The following MRPL12 variants were observed in gnomAD, a reference collection of about 807,000 sequenced individuals.
MRPL12 encodes the protein mitochondrial ribosomal protein L12.
A neutral mutation model predicts 21.1 loss-of-function variants in MRPL12; 13 were observed. The ratio of observed to expected loss-of-function variants is 0.62; its 90% CI spans 0.40 to 0.98. The LOEUF (loss-of-function observed/expected upper bound fraction) is 0.98, where lower values mean the gene tolerates loss of function less well. Among genes scored for constraint, MRPL12 ranks in the 50% least tolerant of loss-of-function variants. The pLI is 0.00. For missense variants in MRPL12, 251 were observed against 268.6 expected (o/e 0.93, Z 0.46); for synonymous variants, 126 against 115.3 (o/e 1.09, Z -0.60).
Position 81,707,397 on chromosome 17 carries a change from C to CCTACT in MRPL12, c.*158_*162dup. On this transcript the variant is annotated 3_prime_UTR_variant, in exon 5 of 5. Coordinates refer to ENST00000333676, the MANE Select transcript of MRPL12 (RefSeq NM_002949.4). ...AGCGGGGCCGGACAGGCCGCACAGA[C>CCTACT]CTACTGTGGCGGGAGGGAGGGGCGG... 1 of 728,258 alleles carries CCTACT rather than the reference C, an allele frequency of 1.4e-6. No homozygotes were observed. The highest frequency in any genetic ancestry group is 2.8e-5 in the East Asian group (1 of 35,216). The allele number at this position is 728,258 out of a possible 1,614,324, so 45.1% of individuals were successfully genotyped here.
intron 3 of MRPL12, 62 bp downstream of exon 3, chr17:81,704,778 C>G: frequency 7.3e-7 from 1 of 1,374,516 alleles, no homozygotes; most frequent in Non-Finnish European, 1.0e-6. Flanking sequence ...CCTCATGTGC[C>G]GTGGTCCCGT....
Position 81,704,358 on chromosome 17 carries a change from G to T in MRPL12, c.189G>T (p.Lys63Asn), listed in dbSNP as rs2037290930. 6.2e-7 allele frequency: 1 copy of T among 1,613,630 alleles called. No homozygotes were observed. The change falls in exon 2 of 5, where the codon AAG (lysine) becomes AAT (asparagine). Residue 63 changes from lysine to asparagine, a missense_variant. Transcript: ENST00000333676. Reference protein sequence around the residue: ...LDNAPKEYPPKIQQLVQDIAS... With the variant: ...LDNAPKEYPPNIQQLVQDIAS... ...ACGCCCCCAAGGAGTACCCCCCCAA[G>T]ATACAGCAGCTGGTCCAGGACATCG...
intron 3 of MRPL12, among the ~76,000 whole-genome samples, chr17:81,705,389 CAAAAAAAA>C (rs758967615): frequency 4.7e-5 from 3 of 63,244 alleles, no homozygotes; most frequent in East Asian, 1.1e-3. Flanking sequence ...GACCCTGTCT[CAAAAAAAA>C]AAAAAAAAAA....
chr17:81,705,694 G>A (rs922438395), intron 3 of MRPL12, among the ~76,000 whole-genome samples: 5 of 152,216 alleles, frequency 3.3e-5, no homozygotes, highest in African/African-American at 4.8e-5. Flanking sequence ...GTCTTTGCAA[G>A]GAAACCAGTG....
rs34153169 is a variant in MRPL12, at chr17:81,707,271, T to TC, written c.*33dup. ...AGCTCGGAGGACTTGTGTTCAGGGGTCCTGGGCCCCGGGCGAGGTCCCGCC... is the reference window on the plus strand; with the variant it reads ...AGCTCGGAGGACTTGTGTTCAGGGGTCCCTGGGCCCCGGGCGAGGTCCCGCC... On this transcript the variant is annotated 3_prime_UTR_variant, in exon 5 of 5. Transcript: ENST00000333676. 100,509 of 1,533,436 alleles carry TC rather than the reference T, an allele frequency of 0.066. 4,373 individuals are homozygous for TC. Among genetic ancestry groups the TC allele is most frequent in the East Asian group, 0.26 (11,475 of 44,134 alleles). 95.0% of individuals were successfully genotyped at this position (1,533,436 alleles called of 1,614,324 possible).
rs767180827 is a variant in MRPL12, at chr17:81,704,246, G to A, written c.77G>A (p.Arg26Gln). ...TTTTAATTGGGGGTGGGGGCTAGGC[G>A]ACAGGTGCCATGTGTCTGTGCCGTG... ...LRAAAFRLAR[R>Q]QVPCVCAVRH... The change falls in exon 2 of 5, where the codon CGA becomes CAA. Residue 26 changes from arginine (R) to glutamine (Q), a missense_variant and splice_region_variant. By Grantham distance (43) the Arg-to-Gln change is conservative (BLOSUM62 1). Coordinates refer to ENST00000333676, the MANE Select transcript of MRPL12 (RefSeq NM_002949.4). The A allele has an allele frequency of 1.6e-5, 25 of 1,605,308 alleles. No homozygotes were observed. In the Admixed American group the frequency reaches 1.9e-4, roughly 12 times the overall value.
In MRPL12 at chr17:81,707,273, C is replaced by T. The variant is rs760518878; in HGVS notation, c.*33C>T. ...CTCGGAGGACTTGTGTTCAGGGGTC[C>T]TGGGCCCCGGGCGAGGTCCCGCCCT... is the stretch of plus-strand genomic sequence containing the variant. On this transcript the variant is annotated 3_prime_UTR_variant, in exon 5 of 5. Coordinates refer to ENST00000333676, the MANE Select transcript of MRPL12 (RefSeq NM_002949.4). 6.5e-6 allele frequency: 10 copies of T among 1,533,092 alleles called. No homozygotes were observed. The highest frequency in any genetic ancestry group is 4.0e-5 in the Admixed American group (2 of 49,730). 95.0% of individuals were successfully genotyped at this position (1,533,092 alleles called of 1,614,324 possible).
At chr17:81,706,802 C>A in intron 3 of MRPL12, 104 bp from the exon 4 acceptor site, 1 of 1,426,150 alleles carries the variant, frequency 7.0e-7, no homozygotes, top group Non-Finnish European at 9.5e-7. Flanking sequence ...GGGGCCTCCG[C>A]TGCACCTCCC....
At chr17:81,705,485 C>G (rs2037305289) in intron 3 of MRPL12, among the ~76,000 whole-genome samples, 1 of 151,382 alleles carries the variant, frequency 6.6e-6, no homozygotes, top group East Asian at 1.9e-4. Context: ...GGAAGAGGCT[C>G]AAGGTGGGAG....
intron 1 of MRPL12, among the ~76,000 whole-genome samples, chr17:81,703,906 A>C (rs947481326): frequency 6.6e-6 from 1 of 152,248 alleles, no homozygotes; most frequent in Non-Finnish European, 1.5e-5. Flanking sequence ...GGCTTTGCGC[A>C]GGAAGATGCA....
chr17:81,707,171 C>T lies in MRPL12; in HGVS notation c.528C>T (p.Val176=), dbSNP rs750264166. 2.3e-5 allele frequency: 37 copies of T among 1,613,862 alleles called. No homozygotes were observed. The highest frequency in any genetic ancestry group is 1.2e-4 in the Admixed American group (7 of 60,002). The part of the protein sequence containing the change: ...ESLPQEIKAN[V]AKAEAEKIKA... The stretch of plus-strand genomic sequence containing the variant: ...TGCCCCAGGAAATCAAAGCCAATGT[C>T]GCCAAAGCTGAGGCGGAGAAGATCA... Residue 176 remains valine (V), a synonymous_variant, in exon 5 of 5, where the codon GTC becomes GTT. Coordinates refer to ENST00000333676, the MANE Select transcript of MRPL12 (RefSeq NM_002949.4).
rs753938354 is a variant in MRPL12 at position 81,707,195 on chromosome 17, C to T, written c.552C>T (p.Ile184=). The T allele has an allele frequency of 1.9e-6, 3 of 1,611,870 alleles. No homozygotes were observed. Among genetic ancestry groups the T allele is most frequent in the Non-Finnish European group, 1.7e-6 (2 of 1,178,712 alleles). ...ANVAKAEAEK[I]KAALEAVGGT... ...TCGCCAAAGCTGAGGCGGAGAAGAT[C>T]AAGGCGGCCCTGGAGGCGGTGGGCG... is the stretch of plus-strand genomic sequence containing the variant. Residue 184 remains isoleucine (I), a synonymous_variant, in exon 5 of 5, where the codon ATC becomes ATT. Transcript: ENST00000333676.
At position 81,706,953 on chromosome 17, in the gene MRPL12, C is replaced by T. The variant is rs777645473; in HGVS notation, c.393C>T (p.Thr131=). 29 of 1,613,920 alleles carry T rather than the reference C, an allele frequency of 1.8e-5. No individual in the cohort carries two copies. Among genetic ancestry groups the T allele is most frequent in the South Asian group, 4.4e-5 (4 of 91,076 alleles). ...IPIAKERTHF[T]VRLTEAKPVD... ...TAGCGAAAGAACGGACACATTTCAC[C>T]GTCCGCCTGACCGAGGCGAAGCCCG... is the stretch of plus-strand genomic sequence containing the variant. The change falls in exon 4 of 5, where the codon ACC becomes ACT. Residue 131 remains threonine (T), a synonymous_variant. Transcript: ENST00000333676.
rs1193109901 is a variant in MRPL12 at position 81,707,054 on chromosome 17, TG to T, written c.480+19del. 28 of 1,613,778 alleles carry T rather than the reference TG, an allele frequency of 1.7e-5. No homozygotes were observed. The highest frequency in any genetic ancestry group is 2.7e-5 in the African/African-American group (2 of 74,894). ...AACCTCGTCCAGGTCTGTGCCGCGG[TG>T]GGGGTTCCGAGGCAGGTTCCGTTGT... On this transcript the variant is annotated intron_variant, in intron 4 of 4. Coordinates refer to ENST00000333676, the MANE Select transcript of MRPL12 (RefSeq NM_002949.4).
At chr17:81,704,809 C>A in intron 3 of MRPL12, 93 bp downstream of exon 3, 1 of 1,106,248 alleles carries the variant, frequency 9.0e-7, no homozygotes, top group Non-Finnish European at 1.3e-6. Flanking sequence ...CTGCAGCTAC[C>A]GTCATTGTCT....
rs748981815 is a variant in MRPL12, at chr17:81,703,429, G to A, written c.-73G>A. 9.3e-5 allele frequency: 124 copies of A among 1,329,792 alleles called. No homozygotes were observed. Among genetic ancestry groups the A allele is most frequent in the Admixed American group, 4.9e-4 (18 of 36,906 alleles). 82.4% of individuals were successfully genotyped at this position (1,329,792 alleles called of 1,614,324 possible). On this transcript the variant is annotated 5_prime_UTR_variant, in exon 1 of 5. It removes an upstream start codon present in the reference 5' UTR. Transcript: ENST00000333676. ...TAGAGCGTTCCTCCCCAGCTCGAAT[G>A]CCCGGCGGCCGAGGCGGCTAGAGCG...
intron 3 of MRPL12, among the ~76,000 whole-genome samples, chr17:81,706,123 C>T (rs1006092355): frequency 6.6e-6 from 1 of 152,200 alleles, no homozygotes. Flanking sequence ...GGCACACGTG[C>T]ACTGCAGTGT....
Position 81,707,320 on chromosome 17 carries a change from C to G in MRPL12, c.*80C>G. The G allele has an allele frequency of 7.4e-7, 1 of 1,355,016 alleles. No homozygotes were observed. Among genetic ancestry groups the G allele is most frequent in the Non-Finnish European group, 1.0e-6 (1 of 994,946 alleles). 83.9% of individuals were successfully genotyped at this position (1,355,016 alleles called of 1,614,324 possible). ...CCCTCCCGTGGTCACTGGCTCCGCCCCCAGCACCAGGCGCCCAGTGGAGCC... is the reference window on the plus strand; with the variant it reads ...CCCTCCCGTGGTCACTGGCTCCGCCGCCAGCACCAGGCGCCCAGTGGAGCC... On this transcript the variant is annotated 3_prime_UTR_variant, in exon 5 of 5. Coordinates refer to ENST00000333676, the MANE Select transcript of MRPL12 (RefSeq NM_002949.4).
At chr17:81,705,450 T>C (rs2037304913) in intron 3 of MRPL12, among the ~76,000 whole-genome samples, 1 of 145,642 alleles carries the variant, frequency 6.9e-6, no homozygotes, top group South Asian at 2.2e-4. Context: ...AAATAGAACA[T>C]TGTAAGCATT....
Sources: gnomAD v4.1 joint callset for allele counts (sites outside exome capture counted in the v4.1 genomes callset) on GRCh38, gnomAD v4.1.1 for gene constraint, MANE v1.5 for transcripts, NCBI Gene and HGNC (gene_info 2026-07-23, HGNC 2026-07-21) for gene names.